Variants in XPO1 observed in about 807,000 individuals in gnomAD.
The protein encoded by XPO1 is exportin-1.
Under a neutral mutation model 133.3 loss-of-function variants are expected in XPO1, and 5 were observed. The observed-to-expected ratio is 0.04, with a 90% CI of 0.02 to 0.08. The LOEUF is 0.08. Among genes scored for constraint, XPO1 ranks in the 10% least tolerant of loss-of-function variants. XPO1 has a pLI of 1.00. For missense variants in XPO1, 506 were observed against 1,267.5 expected (o/e 0.40, Z 9.12); for synonymous variants, 419 against 408.2 (o/e 1.03, Z -0.32).
intron 3 of XPO1, 84 bp downstream of exon 3, chr2:61,526,336 C>G: frequency 6.7e-7 from 1 of 1,497,766 alleles, no homozygotes; most frequent in Admixed American, 2.7e-5. Flanking sequence ...ATAACAAATG[C>G]TAATACTAAA....
intron 2 of XPO1, among the ~76,000 whole-genome samples, chr2:61,531,001 A>G (rs929083239): frequency 2.6e-5 from 4 of 152,162 alleles, no homozygotes; most frequent in Admixed American, 1.3e-4. Context: ...GACAGGTCAT[A>G]TTTGTACATG....
At chr2:61,478,989 T>C in intron 24 of XPO1, 23 bp from the exon 25 acceptor site, 1 of 1,602,864 alleles carries the variant, frequency 6.2e-7, no homozygotes. Context: ...ATAGTTGAAA[T>C]GTCAACGCAA....
chr2:61,499,005 A>T lies in XPO1; in HGVS notation c.591-92T>A, dbSNP rs1226075332. 41 of 1,377,052 alleles carry T rather than the reference A, an allele frequency of 3.0e-5. No homozygotes were observed. In the East Asian group the frequency reaches 1.0e-3, roughly 35 times the overall value. The allele number at this position is 1,377,052 out of a possible 1,614,324, so 85.3% of individuals were successfully genotyped here. On this transcript the variant is annotated intron_variant, in intron 7 of 24. Coordinates refer to ENST00000401558, the MANE Select transcript of XPO1 (RefSeq NM_003400.4). ...ATACTAATAAAAATGATTAAAGCCC[A>T]GTACAGTGGCTCATGCCTGTAATCG...
chr2:61,527,480 C>A (rs1383251778), intron 2 of XPO1, among the ~76,000 whole-genome samples: 2 of 151,992 alleles, frequency 1.3e-5, no homozygotes, highest in African/African-American at 2.4e-5. Flanking sequence ...AGAGCAGAGA[C>A]CCTGTCTCTA....
Position 61,497,021 on chromosome 2 carries a change from G to T in XPO1, c.760-14C>A, listed in dbSNP as rs1033361515. ...AACATTCAGGAACTATTTAAAAGGG[G>T]GGAGGGAACCATAAAATTAATTGGC... On this transcript the variant is annotated splice_polypyrimidine_tract_variant and intron_variant, in intron 9 of 24. Transcript: ENST00000401558. The T allele has an allele frequency of 1.9e-6, 3 of 1,594,830 alleles. No homozygotes were observed. Among genetic ancestry groups the T allele is most frequent in the Non-Finnish European group, 1.7e-6 (2 of 1,174,726 alleles).
At chr2:61,521,756 G>A (rs574153105) in intron 4 of XPO1, among the ~76,000 whole-genome samples, 2 of 151,874 alleles carry the variant, frequency 1.3e-5, no homozygotes, top group South Asian at 4.2e-4. Context: ...TTTTTTTGTT[G>A]TTGTTGTTCT....
intron 11 of XPO1, among the ~76,000 whole-genome samples, chr2:61,495,096 G>A (rs956236894): frequency 4.6e-5 from 7 of 151,900 alleles, no homozygotes; most frequent in South Asian, 2.1e-4. Context: ...ACCCACCTCC[G>A]CCTCCCAAAG....
intron 4 of XPO1, among the ~76,000 whole-genome samples, chr2:61,514,054 GT>G (rs1354017143): frequency 2.0e-5 from 3 of 152,000 alleles, no homozygotes; most frequent in African/African-American, 7.3e-5. Flanking sequence ...GGGCGTGGTG[GT>G]GCATACCTGT....
At chr2:61,501,439 C>T (rs776397968) in intron 6 of XPO1, among the ~76,000 whole-genome samples, 1 of 151,834 alleles carries the variant, frequency 6.6e-6, no homozygotes, top group African/African-American at 2.4e-5. Flanking sequence ...AAAAACAATC[C>T]GGCCAGGTGC....
chr2:61,521,295 T>C (rs1698676877), intron 4 of XPO1, among the ~76,000 whole-genome samples: 1 of 152,218 alleles, frequency 6.6e-6, no homozygotes, highest in African/African-American at 2.4e-5. Flanking sequence ...CATGTCACTA[T>C]TCTACCATAA....
intron 11 of XPO1, chr2:61,494,449 A>C (rs1484809821): frequency 4.9e-6 from 1 of 205,290 alleles, no homozygotes; most frequent in African/African-American, 2.4e-5. Flanking sequence ...CAATGAGAAT[A>C]TTCTTCAGAC....
intron 11 of XPO1, 65 bp from the exon 12 acceptor site, chr2:61,494,156 C>A: frequency 7.1e-7 from 1 of 1,402,840 alleles, no homozygotes; most frequent in South Asian, 1.3e-5. Flanking sequence ...TTGCTTTTCA[C>A]TTGTTACACC....
At position 61,483,951 on chromosome 2, in the gene XPO1, T is replaced by C; in HGVS notation, c.2663A>G (p.Asn888Ser). The C allele has an allele frequency of 1.2e-6, 2 of 1,612,560 alleles. No individual in the cohort carries two copies. Among genetic ancestry groups the C allele is most frequent in the South Asian group, 1.1e-5 (1 of 90,442 alleles). The change falls in exon 21 of 25, where the codon AAT becomes AGT. Residue 888 changes from asparagine to serine, a missense_variant. Transcript: ENST00000401558. ...IIWAFKHTMR[N>S]VADTGLQILF... is the part of the protein sequence containing the mutation. ...CTTTTATTTACCCGTATCTGCGACA[T>C]TCCTCATAGTATGTTTGAAAGCCCA...
At chr2:61,493,718 T>G in intron 12 of XPO1, 176 bp downstream of exon 12, 4 of 683,248 alleles carry the variant, frequency 5.9e-6, no homozygotes, top group African/African-American at 1.8e-5. Context: ...ACCACACTCT[T>G]GAGAATCAAG....
At position 61,490,104 on chromosome 2, in the gene XPO1, T is replaced by C. The variant is rs1203914977; in HGVS notation, c.2022+538A>G. 2.0e-5 allele frequency among the ~76,000 whole-genome samples: 3 copies of C among 151,906 alleles called. No individual in the cohort carries two copies. The East Asian group carries it at 5.8e-4, about 29-fold the overall frequency. On this transcript the variant is annotated intron_variant, in intron 17 of 24. Transcript: ENST00000401558. ...CGGGGTTTCACCACGTTGGCCAGGATGGTCTCAATCTCCTGACCTAGTGAT... is the reference window on the plus strand; with the variant it reads ...CGGGGTTTCACCACGTTGGCCAGGACGGTCTCAATCTCCTGACCTAGTGAT...
intron 2 of XPO1, among the ~76,000 whole-genome samples, chr2:61,529,965 C>T (rs1387140123): frequency 6.6e-6 from 1 of 152,126 alleles, no homozygotes; most frequent in Non-Finnish European, 1.5e-5. Context: ...TATTTGATTT[C>T]ATTAAAGGAC....
chr2:61,536,446 A>C (rs2104865611), intron 1 of XPO1: 1 of 152,400 alleles, frequency 6.6e-6, no homozygotes, highest in Admixed American at 6.5e-5. Context: ...GGGATTATCC[A>C]GCTTAATGGA....
chr2:61,517,650 A>C (rs1698458194), intron 4 of XPO1, among the ~76,000 whole-genome samples: 1 of 152,196 alleles, frequency 6.6e-6, no homozygotes, highest in Admixed American at 6.5e-5. Context: ...GAATTCTTCC[A>C]TTTGACATAT....
chr2:61,510,739 C>T (rs1368872894), intron 4 of XPO1, among the ~76,000 whole-genome samples: 1 of 151,956 alleles, frequency 6.6e-6, no homozygotes, highest in Non-Finnish European at 1.5e-5. Context: ...GAGTTCAGGA[C>T]CAGCCTAGGC....
Sources: gnomAD v4.1 joint callset for allele counts (sites outside exome capture counted in the v4.1 genomes callset) on GRCh38, gnomAD v4.1.1 for gene constraint, MANE v1.5 for transcripts, NCBI Gene and HGNC (gene_info 2026-07-23, HGNC 2026-07-21) for gene names.